Variants in LOC112694756 observed in about 807,000 individuals in gnomAD.
the LOC112694756 span, chr16:30,070,260 C>A: frequency 6.3e-7 from 1 of 1,593,614 alleles, no homozygotes; most frequent in South Asian, 1.1e-5. Flanking sequence ...CCTGCCCCCT[C>A]CCACTCTTGA....
At chr16:30,069,997 G>T in the LOC112694756 span, 24 of 1,613,736 alleles carry the variant, frequency 1.5e-5, no homozygotes, top group African/African-American at 2.8e-4. Context: ...GAACCTGAAG[G>T]CTGCGCAGGA....
chr16:30,059,902 A>C, the LOC112694756 span, among the ~76,000 whole-genome samples: 2 of 151,992 alleles, frequency 1.3e-5, no homozygotes, highest in Non-Finnish European at 2.9e-5. Context: ...CTCATTACTT[A>C]CCAGGCATCG....
the LOC112694756 span, chr16:30,067,994 G>A: frequency 2.9e-6 from 1 of 342,966 alleles, no homozygotes; most frequent in Non-Finnish European, 5.4e-6. Context: ...TTGTTACTAA[G>A]TGAACTAAGT....
chr16:30,058,782 T>A, the LOC112694756 span, among the ~76,000 whole-genome samples: 1 of 152,166 alleles, frequency 6.6e-6, no homozygotes, highest in South Asian at 2.1e-4. Context: ...ACGCCTGGCC[T>A]GCTCTGCTTC....
the LOC112694756 span, chr16:30,069,934 T>G: frequency 6.2e-7 from 1 of 1,614,022 alleles, no homozygotes; most frequent in Non-Finnish European, 8.5e-7. Flanking sequence ...GACCTTCTCC[T>G]ACGGCCGAGC....
At chr16:30,061,149 G>C in the LOC112694756 span, among the ~76,000 whole-genome samples, 1 of 152,252 alleles carries the variant, frequency 6.6e-6, no homozygotes, top group African/African-American at 2.4e-5. Context: ...GGCAGTTGCG[G>C]GTCATCCCTG....
At chr16:30,062,388 C>T in the LOC112694756 span, among the ~76,000 whole-genome samples, 1 of 151,298 alleles carries the variant, frequency 6.6e-6, no homozygotes, top group Non-Finnish European at 1.5e-5. Flanking sequence ...ATGAATTAGC[C>T]AGGCGTGGTG....
the LOC112694756 span, chr16:30,058,840 T>C: frequency 5.1e-6 from 2 of 392,858 alleles, no homozygotes; most frequent in Non-Finnish European, 9.0e-6. Context: ...CATTCATTCA[T>C]TGACTCACTC....
At chr16:30,056,167 T>G in the LOC112694756 span, among the ~76,000 whole-genome samples, 1 of 147,058 alleles carries the variant, frequency 6.8e-6, no homozygotes, top group East Asian at 2.0e-4. Flanking sequence ...TAGAGTACAG[T>G]GGTGTAATCT....
chr16:30,068,427 A>C, the LOC112694756 span: 2 of 626,728 alleles, frequency 3.2e-6, no homozygotes, highest in Non-Finnish European at 2.9e-6. Context: ...GATGCAGTTT[A>C]AGGGATTAAG....
chr16:30,067,427 T>C, the LOC112694756 span: 1 of 1,613,456 alleles, frequency 6.2e-7, no homozygotes. Flanking sequence ...GCTGATCCCC[T>C]AATTCCCATG....
chr16:30,057,129 C>T, the LOC112694756 span, among the ~76,000 whole-genome samples: 117 of 151,834 alleles, frequency 7.7e-4, no homozygotes, highest in African/African-American at 2.7e-3. Flanking sequence ...AGGGTGGTCT[C>T]GAACTCCCGA....
the LOC112694756 span, chr16:30,068,615 T>C: frequency 6.2e-7 from 1 of 1,612,952 alleles, no homozygotes; most frequent in Non-Finnish European, 8.5e-7. Flanking sequence ...TCATTTCCTG[T>C]GTCTTAATGT....
At chr16:30,060,030 G>A in the LOC112694756 span, among the ~76,000 whole-genome samples, 2 of 151,716 alleles carry the variant, frequency 1.3e-5, no homozygotes, top group Admixed American at 1.3e-4. Flanking sequence ...CCAGGCTAGA[G>A]TGCAGTAAAA....
the LOC112694756 span, chr16:30,068,677 C>T: frequency 1.9e-6 from 3 of 1,614,206 alleles, no homozygotes; most frequent in Non-Finnish European, 2.5e-6. Context: ...CTGGCAGGGA[C>T]AAATGGCGAG....
At chr16:30,060,124 G>A in the LOC112694756 span, among the ~76,000 whole-genome samples, 4 of 151,110 alleles carry the variant, frequency 2.6e-5, no homozygotes, top group African/African-American at 4.9e-5. Flanking sequence ...GACCACAGGC[G>A]TGCGCCACCA....
chr16:30,067,331 C>G, the LOC112694756 span: 3 of 1,613,780 alleles, frequency 1.9e-6, no homozygotes, highest in South Asian at 3.3e-5. Flanking sequence ...ATCGTGGCAC[C>G]TGGCAAGGGC....
the LOC112694756 span, among the ~76,000 whole-genome samples, chr16:30,065,229 C>T: frequency 6.6e-6 from 1 of 152,216 alleles, no homozygotes; most frequent in Non-Finnish European, 1.5e-5. Context: ...GCCTCCCTTA[C>T]GCCTGGGCCA....
chr16:30,055,250 T>G, the LOC112694756 span: 1 of 399,222 alleles, frequency 2.5e-6, no homozygotes, highest in African/African-American at 2.1e-5. Context: ...CTGCTGGACC[T>G]GTGCAGAAGC....
Sources: allele counts gnomAD v4.1 joint callset (sites outside exome capture counted in the v4.1 genomes callset), GRCh38; gene constraint gnomAD v4.1.1; transcripts MANE v1.5.